Variants in FAM204A observed in about 807,000 individuals in gnomAD.
FAM204A encodes the protein family with sequence similarity 204 member A, also known as protein FAM204A.
In FAM204A, 16 loss-of-function variants were observed where a neutral mutation model predicts 35.4. The observed-to-expected ratio is 0.45, with a 90% CI of 0.31 to 0.69. The LOEUF (loss-of-function observed/expected upper bound fraction) is 0.69. FAM204A is among the 30% of genes least tolerant of loss of function. FAM204A has a pLI of 0.07. For missense variants in FAM204A, 240 were observed against 265.7 expected (o/e 0.90, Z 0.67); for synonymous variants, 76 against 86.9 (o/e 0.88, Z 0.70).
At chr10:118,340,113 C>T (rs994423236) in intron 2 of FAM204A, among the ~76,000 whole-genome samples, 2 of 152,140 alleles carry the variant, frequency 1.3e-5, no homozygotes, top group Non-Finnish European at 2.9e-5. Context: ...TACCATTCAT[C>T]ATTACAGGAA....
chr10:118,325,828 A>G (rs901022323), intron 7 of FAM204A, among the ~76,000 whole-genome samples: 1 of 152,178 alleles, frequency 6.6e-6, no homozygotes, highest in Admixed American at 6.5e-5. Context: ...CAGAGTTCAA[A>G]TGAGTTAAAG....
rs144185470 is a variant in FAM204A at position 118,315,495 on chromosome 10, A to G, written c.544-4182T>C. ...TAAAAATACCAATTATCATACTTTA[A>G]CTTTTTATGGAATAATAGGTCTCTA... On this transcript the variant is annotated intron_variant, in intron 7 of 8. Transcript: ENST00000369183. Among the ~76,000 whole-genome samples the G allele has an allele frequency of 5.8e-3, 878 of 152,270 alleles. 6 individuals carry two copies. Among genetic ancestry groups the G allele is most frequent in the African/African-American group, 0.02 (825 of 41,554 alleles).
chr10:118,316,354 G>C (rs1419366192), intron 7 of FAM204A, among the ~76,000 whole-genome samples: 1 of 152,080 alleles, frequency 6.6e-6, no homozygotes, highest in Non-Finnish European at 1.5e-5. Context: ...ATGTGCTCTA[G>C]TAAATTCAAG....
At chr10:118,337,247 C>T in intron 2 of FAM204A, 2 of 984,954 alleles carry the variant, frequency 2.0e-6, no homozygotes, top group Non-Finnish European at 1.2e-6. Context: ...CTTCATGGCA[C>T]AGTCTATTTT....
rs1476088788 is a variant in FAM204A at position 118,299,616 on chromosome 10, A to C, written c.*11241T>G. The C allele has an allele frequency of 6.6e-6, 1 of 152,112 alleles. No individual in the cohort carries two copies. The highest frequency in any genetic ancestry group is 1.5e-5 in the Non-Finnish European group (1 of 68,080). 9.4% of individuals were successfully genotyped at this position (152,112 alleles called of 1,614,324 possible). On this transcript the variant is annotated 3_prime_UTR_variant, in exon 9 of 9. Coordinates refer to ENST00000369183, the MANE Select transcript of FAM204A (RefSeq NM_022063.3). ...GGCTAGTCTTGAACTCCTAGGCTCA[A>C]GCAGCTCTCCCTCCTCGGCCTCCCA...
In FAM204A at chr10:118,304,196, A is replaced by T. The variant is rs1429993335; in HGVS notation, c.*6661T>A. 6.6e-6 allele frequency: 1 copy of T among 151,972 alleles called. No individual in the cohort carries two copies. The highest frequency in any genetic ancestry group is 1.9e-4 in the East Asian group (1 of 5,196). The allele number at this position is 151,972 out of a possible 1,614,324, so 9.4% of individuals were successfully genotyped here. On this transcript the variant is annotated 3_prime_UTR_variant, in exon 9 of 9. Coordinates refer to ENST00000369183, the MANE Select transcript of FAM204A (RefSeq NM_022063.3). ...CCACCTTTCAAGACCTCTTTCATCG[A>T]CCTATTTCTGCAACCTCCCTCCCTT...
chr10:118,317,626 C>T (rs1438741894), intron 7 of FAM204A, among the ~76,000 whole-genome samples: 1 of 151,990 alleles, frequency 6.6e-6, no homozygotes, highest in African/African-American at 2.4e-5. Context: ...TGCAGTGTCA[C>T]GGCTGTGCAC....
At chr10:118,312,720 C>T (rs1200768154) in intron 7 of FAM204A, among the ~76,000 whole-genome samples, 2 of 152,188 alleles carry the variant, frequency 1.3e-5, no homozygotes, top group African/African-American at 2.4e-5. Flanking sequence ...AGACCAACCT[C>T]GGTGTGTTCC....
intron 6 of FAM204A, among the ~76,000 whole-genome samples, chr10:118,332,756 T>A (rs571345084): frequency 5.9e-5 from 9 of 152,242 alleles, no homozygotes; most frequent in Non-Finnish European, 1.3e-4. Context: ...AAAGACATTG[T>A]ACAATTACTC....
At chr10:118,337,201 A>G (rs958922641) in intron 2 of FAM204A, 2 of 978,384 alleles carry the variant, frequency 2.0e-6, no homozygotes, top group Non-Finnish European at 2.4e-6. Flanking sequence ...ATCATTTGCT[A>G]AAAGTATAAT....
chr10:118,310,708 A>T lies in FAM204A; in HGVS notation c.*149T>A. 3.0e-6 allele frequency: 2 copies of T among 660,926 alleles called. No individual in the cohort carries two copies. Among genetic ancestry groups the T allele is most frequent in the Non-Finnish European group, 5.3e-6 (2 of 379,390 alleles). 40.9% of individuals were successfully genotyped at this position (660,926 alleles called of 1,614,324 possible). On this transcript the variant is annotated 3_prime_UTR_variant, in exon 9 of 9. Coordinates refer to ENST00000369183, the MANE Select transcript of FAM204A (RefSeq NM_022063.3). The stretch of plus-strand genomic sequence containing the variant: ...AATAGGACAAAGTCCTTAAAGAAAG[A>T]CTGAAAAGAGCTGATAATCAAAATC...
At chr10:118,312,190 A>G (rs993915845) in intron 7 of FAM204A, among the ~76,000 whole-genome samples, 1 of 152,238 alleles carries the variant, frequency 6.6e-6, no homozygotes, top group Non-Finnish European at 1.5e-5. Context: ...ACCAATGCGG[A>G]CAGCTCAAGA....
chr10:118,320,192 C>T (rs1389316789), intron 7 of FAM204A, among the ~76,000 whole-genome samples: 1 of 151,150 alleles, frequency 6.6e-6, no homozygotes, highest in African/African-American at 2.4e-5. Context: ...ACTACTTTAA[C>T]ATTATTAACT....
At chr10:118,326,085 C>T (rs1787572199) in intron 7 of FAM204A, 69 bp downstream of exon 7, 1 of 1,220,306 alleles carries the variant, frequency 8.2e-7, no homozygotes, top group African/African-American at 1.5e-5. Context: ...TATTAATGAT[C>T]ATAAAAAGAA....
chr10:118,332,162 ACT>A (rs1379775988), intron 6 of FAM204A, among the ~76,000 whole-genome samples: 1 of 147,668 alleles, frequency 6.8e-6, no homozygotes, highest in African/African-American at 2.6e-5. Flanking sequence ...ACAGAGCAAG[ACT>A]CTGTTTCAGA....
At chr10:118,327,018 G>T (rs1031133707) in intron 6 of FAM204A, among the ~76,000 whole-genome samples, 1 of 152,182 alleles carries the variant, frequency 6.6e-6, no homozygotes, top group Non-Finnish European at 1.5e-5. Flanking sequence ...AAGATGCTTA[G>T]ACTTAAATAA....
At chr10:118,319,282 T>A (rs186474566) in intron 7 of FAM204A, among the ~76,000 whole-genome samples, 1 of 152,142 alleles carries the variant, frequency 6.6e-6, no homozygotes, top group African/African-American at 2.4e-5. Context: ...TGCTCAAATT[T>A]AGAAAGCATT....
rs1379188294 is a variant in FAM204A at position 118,308,874 on chromosome 10, T to G, written c.*1983A>C. Reference sequence around the variant, plus strand: ...AGGGGTCACTAAATGCTCTAAGGAGTAGAAACAGAAAAAAAAAAAAAAATG... The same window carrying G: ...AGGGGTCACTAAATGCTCTAAGGAGGAGAAACAGAAAAAAAAAAAAAAATG... On this transcript the variant is annotated 3_prime_UTR_variant, in exon 9 of 9. Coordinates refer to ENST00000369183, the MANE Select transcript of FAM204A (RefSeq NM_022063.3). The G allele has an allele frequency of 6.1e-5, 8 of 131,226 alleles. No homozygotes were observed. The highest frequency in any genetic ancestry group is 9.6e-5 in the Non-Finnish European group (6 of 62,314). 8.1% of individuals were successfully genotyped at this position (131,226 alleles called of 1,614,324 possible).
intron 6 of FAM204A, among the ~76,000 whole-genome samples, chr10:118,328,234 CT>C (rs1453722651): frequency 1.3e-5 from 2 of 152,172 alleles, no homozygotes; most frequent in Non-Finnish European, 2.9e-5. Flanking sequence ...AATTCATCTG[CT>C]TTGCCTTTAC....
Sources: gnomAD v4.1 joint callset for allele counts (sites outside exome capture counted in the v4.1 genomes callset) on GRCh38, gnomAD v4.1.1 for gene constraint, MANE v1.5 for transcripts, NCBI Gene and HGNC (gene_info 2026-07-23, HGNC 2026-07-21) for gene names.